The following HSD17B4 variants were observed in gnomAD, a reference collection of about 807,000 sequenced individuals.
HSD17B4 encodes the protein hydroxysteroid 17-beta dehydrogenase 4.
HSD17B4 carries 70 observed loss-of-function variants against 101.0 expected under a neutral mutation model. The ratio of observed to expected loss-of-function variants is 0.69; its 90% CI spans 0.57 to 0.85. The LOEUF (loss-of-function observed/expected upper bound fraction) is 0.85. Ranked by LOEUF, HSD17B4 falls within the 40% of genes least tolerant of loss-of-function variation. The pLI is 0.00. For synonymous variants in HSD17B4, 347 were observed against 297.1 expected, an observed-to-expected ratio of 1.17 and a Z score of -1.73; for missense variants, 984 against 892.4, an observed-to-expected ratio of 1.10 and a Z score of -1.31.
At chr5:119,525,606 C>G in intron 18 of HSD17B4, 1 of 515,932 alleles carries the variant, frequency 1.9e-6, no homozygotes. Flanking sequence ...AGGGAAGGAT[C>G]ATGTACCTGT....
At chr5:119,541,184 C>A (rs1023171668) in intron 23 of HSD17B4, among the ~76,000 whole-genome samples, 1 of 152,158 alleles carries the variant, frequency 6.6e-6, no homozygotes. Flanking sequence ...AGGAACCCTT[C>A]GTTTTTAACA....
intron 14 of HSD17B4, among the ~76,000 whole-genome samples, chr5:119,502,387 A>G (rs1275293438): frequency 6.6e-6 from 1 of 152,190 alleles, no homozygotes; most frequent in African/African-American, 2.4e-5. Context: ...TAGTGATTGC[A>G]TATAATCTGT....
At chr5:119,495,668 G>GTTAT (rs1457464369) in intron 11 of HSD17B4, 2 of 166,512 alleles carry the variant, frequency 1.2e-5, no homozygotes, top group East Asian at 1.9e-4. Context: ...CTGTAATTTG[G>GTTAT]TTATTTATTT....
chr5:119,535,537 T>C (rs2126911979), intron 22 of HSD17B4, among the ~76,000 whole-genome samples: 1 of 151,810 alleles, frequency 6.6e-6, no homozygotes, highest in Middle Eastern at 3.4e-3. Context: ...TTGATGCTTT[T>C]TTCATGTTTA....
intron 23 of HSD17B4, among the ~76,000 whole-genome samples, chr5:119,540,987 A>G (rs751624826): frequency 6.6e-6 from 1 of 152,226 alleles, no homozygotes; most frequent in Non-Finnish European, 1.5e-5. Context: ...TGTAATGCTC[A>G]GTGTATGTAG....
At chr5:119,485,523 C>T (rs1395935645) in intron 8 of HSD17B4, among the ~76,000 whole-genome samples, 1 of 151,922 alleles carries the variant, frequency 6.6e-6, no homozygotes, top group East Asian at 1.9e-4. Context: ...CCTAAAATTC[C>T]ATTATTTTTA....
At position 119,483,305 on chromosome 5, in the gene HSD17B4, T is replaced by G. The variant is rs560847303; in HGVS notation, c.622+4284T>G. On this transcript the variant is annotated intron_variant, in intron 8 of 23. Transcript: ENST00000510025. The stretch of plus-strand genomic sequence containing the variant: ...CTCAGTAAGCTGGGTTTTCTGAATT[T>G]GCCTGTGTCTCCAGTTTTCCTGATG... Among the ~76,000 whole-genome samples the G allele has an allele frequency of 4.0e-4, 61 of 152,286 alleles. 1 individual carries two copies. Among genetic ancestry groups the G allele is most frequent in the African/African-American group, 1.3e-3 (54 of 41,586 alleles).
At chr5:119,530,580 C>T (rs59944560) in intron 21 of HSD17B4, among the ~76,000 whole-genome samples, 231 of 151,106 alleles carry the variant, frequency 1.5e-3, no homozygotes, top group African/African-American at 5.3e-3. Flanking sequence ...AGAGCGGGCT[C>T]GGTGCCTCAC....
intron 8 of HSD17B4, among the ~76,000 whole-genome samples, chr5:119,481,327 C>G (rs1490867597): frequency 6.6e-6 from 1 of 152,204 alleles, no homozygotes; most frequent in Non-Finnish European, 1.5e-5. Context: ...GCCGGTCTCT[C>G]TGTTTGGGGT....
chr5:119,514,914 T>G (rs941994716), intron 16 of HSD17B4, 67 bp from the exon 17 acceptor site: 5 of 897,102 alleles, frequency 5.6e-6, no homozygotes, highest in Non-Finnish European at 9.5e-6. Flanking sequence ...GTATCAAATG[T>G]GAGTTTGGTT....
chr5:119,509,205 T>G lies in HSD17B4; in HGVS notation c.1398T>G (p.Ser466=), dbSNP rs746787900. The change falls in exon 16 of 24, where the codon TCT becomes TCG. Residue 466 remains serine (S), a synonymous_variant. Transcript: ENST00000510025. ...HNQFSLFLVG[S]GGFGGKRTSD... The stretch of plus-strand genomic sequence containing the variant: ...AGTTCTCTCTCTTTCTTGTTGGCTC[T>G]GGAGGCTTTGGTGGAAAACGGACAT... 1.3e-5 allele frequency: 21 copies of G among 1,610,960 alleles called. No homozygotes were observed. In the Admixed American group the frequency reaches 2.7e-4, roughly 20 times the overall value.
intron 2 of HSD17B4, chr5:119,472,622 C>A (rs541804431): frequency 6.6e-6 from 1 of 152,250 alleles, no homozygotes; most frequent in Non-Finnish European, 1.5e-5. Context: ...TTAGTAGAGA[C>A]GGGGTTTCAC....
intron 10 of HSD17B4, 117 bp from the exon 11 acceptor site, chr5:119,493,701 T>A: frequency 2.1e-6 from 2 of 932,250 alleles, no homozygotes; most frequent in Non-Finnish European, 1.7e-6. Flanking sequence ...TCTTTAGGAG[T>A]TAGAATCCCT....
Position 119,471,648 on chromosome 5 carries a change from A to G in HSD17B4, c.113-2260A>G, listed in dbSNP as rs1037542179. On this transcript the variant is annotated intron_variant, in intron 2 of 23. Transcript: ENST00000510025. ...TTTATTGTTACAGCTTTCAAAATCTATGCAATAACCCTATGGAGAAGATCA... is the reference window on the plus strand; with the variant it reads ...TTTATTGTTACAGCTTTCAAAATCTGTGCAATAACCCTATGGAGAAGATCA... 30 of 1,387,300 alleles carry G rather than the reference A, an allele frequency of 2.2e-5. No individual in the cohort carries two copies. In the Admixed American group the frequency reaches 5.9e-4, roughly 27 times the overall value. 85.9% of individuals were successfully genotyped at this position (1,387,300 alleles called of 1,614,324 possible). A position where few individuals can be genotyped will look rare whatever the true frequency, so the allele number is the denominator to read the frequency against.
chr5:119,484,140 C>T (rs775785841), intron 8 of HSD17B4, among the ~76,000 whole-genome samples: 25 of 152,076 alleles, frequency 1.6e-4, no homozygotes, highest in Non-Finnish European at 8.8e-5. Flanking sequence ...CCCAGCAATT[C>T]GAGGCTACAG....
intron 14 of HSD17B4, among the ~76,000 whole-genome samples, chr5:119,503,406 T>A (rs1223636944): frequency 1.3e-5 from 2 of 152,166 alleles, no homozygotes; most frequent in African/African-American, 4.8e-5. Flanking sequence ...ATATTTCTCA[T>A]GAATTATTTT....
At chr5:119,509,308 A>T in intron 16 of HSD17B4, 64 bp downstream of exon 16, 1 of 1,002,142 alleles carries the variant, frequency 1.0e-6, no homozygotes, top group Non-Finnish European at 1.6e-6. Context: ...TACAATTGAG[A>T]CTTGAACAGC....
intron 12 of HSD17B4, among the ~76,000 whole-genome samples, chr5:119,498,678 C>A (rs2257900): frequency 0.55 from 82,997 of 151,936 alleles, 22,826 homozygotes; most frequent in Admixed American, 0.58. Flanking sequence ...GAGTTCCAGA[C>A]CATCCTGGCC....
At chr5:119,454,780 C>A (rs1754430677) in intron 1 of HSD17B4, among the ~76,000 whole-genome samples, 2 of 151,982 alleles carry the variant, frequency 1.3e-5, no homozygotes, top group South Asian at 4.1e-4. Context: ...CACCACCAAG[C>A]CCAGCTGATT....
Sources: allele counts gnomAD v4.1 joint callset (sites outside exome capture counted in the v4.1 genomes callset), GRCh38; gene constraint gnomAD v4.1.1; transcripts MANE v1.5; gene names NCBI Gene and HGNC (gene_info 2026-07-23, HGNC 2026-07-21).